The following NEK1 variants were observed in gnomAD, a reference collection of about 807,000 sequenced individuals.
NEK1 encodes the protein serine/threonine-protein kinase Nek1.
NEK1 carries 137 observed loss-of-function variants against 182.1 expected under a neutral mutation model. The observed-to-expected ratio is 0.75, with a 90% CI of 0.65 to 0.87. The LOEUF (loss-of-function observed/expected upper bound fraction) is 0.87. Ranked by LOEUF, NEK1 falls within the 40% of genes least tolerant of loss-of-function variation. NEK1 has a pLI of 0.00. For missense variants in NEK1, 1,391 were observed against 1,494.4 expected, an observed-to-expected ratio of 0.93 and a Z score of 1.14; for synonymous variants, 513 against 492.2, an observed-to-expected ratio of 1.04 and a Z score of -0.56.
At chr4:169,482,556 C>T (rs1009504012) in intron 23 of NEK1, among the ~76,000 whole-genome samples, 4 of 151,720 alleles carry the variant, frequency 2.6e-5, no homozygotes, top group East Asian at 1.9e-4. Flanking sequence ...AAGCAATTCT[C>T]GTGCCTCAGT....
chr4:169,581,944 A>T (rs1001487804), intron 10 of NEK1, among the ~76,000 whole-genome samples: 28 of 152,174 alleles, frequency 1.8e-4, no homozygotes, highest in African/African-American at 6.8e-4. Context: ...CCCATTTAAT[A>T]TTAGTATAAA....
At chr4:169,501,820 C>T (rs1244615919) in intron 23 of NEK1, among the ~76,000 whole-genome samples, 1 of 151,924 alleles carries the variant, frequency 6.6e-6, no homozygotes, top group Admixed American at 6.6e-5. Flanking sequence ...AATTAACAAC[C>T]TAATGCTGCA....
At chr4:169,414,289 T>C (rs557581108) in intron 31 of NEK1, among the ~76,000 whole-genome samples, 5 of 152,122 alleles carry the variant, frequency 3.3e-5, no homozygotes, top group Non-Finnish European at 7.4e-5. Context: ...AACAGAAAGG[T>C]CAGTATAATC....
intron 23 of NEK1, among the ~76,000 whole-genome samples, chr4:169,504,652 G>A (rs1003798615): frequency 1.3e-5 from 2 of 152,098 alleles, no homozygotes; most frequent in African/African-American, 2.4e-5. Flanking sequence ...AGTTTTGCAC[G>A]TTTTCACTTA....
intron 23 of NEK1, among the ~76,000 whole-genome samples, chr4:169,483,349 T>C (rs1326058192): frequency 6.6e-6 from 1 of 152,136 alleles, no homozygotes; most frequent in East Asian, 1.9e-4. Context: ...ATTACAAAAA[T>C]GTGACACAAA....
intron 30 of NEK1, among the ~76,000 whole-genome samples, chr4:169,425,161 T>G (rs1013181653): frequency 6.7e-6 from 1 of 148,856 alleles, no homozygotes; most frequent in African/African-American, 2.6e-5. Flanking sequence ...TAAGTGAGAC[T>G]CTCTCTCCAC....
At chr4:169,479,349 T>C (rs1416668079) in intron 24 of NEK1, 54 bp downstream of exon 24, 61 of 1,532,756 alleles carry the variant, frequency 4.0e-5, no homozygotes, top group Non-Finnish European at 5.0e-5. Flanking sequence ...TAAATTTAAT[T>C]TCCTTTTAAA....
intron 32 of NEK1, among the ~76,000 whole-genome samples, chr4:169,402,837 A>T (rs1731918821): frequency 6.6e-6 from 1 of 152,100 alleles, no homozygotes; most frequent in Non-Finnish European, 1.5e-5. Context: ...TTTTCCTCTT[A>T]TGATTTGCTT....
At chr4:169,470,147 T>A (rs1745685034) in intron 26 of NEK1, among the ~76,000 whole-genome samples, 2 of 152,156 alleles carry the variant, frequency 1.3e-5, no homozygotes, top group Admixed American at 6.5e-5. Context: ...AATATTGATA[T>A]GTGTGAATTT....
intron 23 of NEK1, among the ~76,000 whole-genome samples, chr4:169,479,985 C>T (rs1747689190): frequency 6.6e-6 from 1 of 152,124 alleles, no homozygotes; most frequent in Non-Finnish European, 1.5e-5. Context: ...GAAGGAGAAA[C>T]AGATCCAGGT....
intron 23 of NEK1, among the ~76,000 whole-genome samples, chr4:169,494,344 C>G (rs1056216625): frequency 6.6e-6 from 1 of 152,068 alleles, no homozygotes; most frequent in Non-Finnish European, 1.5e-5. Context: ...TGAGAACATG[C>G]AGTGTTTGGT....
chr4:169,410,957 T>C (rs1276878827), intron 31 of NEK1, among the ~76,000 whole-genome samples: 1 of 152,220 alleles, frequency 6.6e-6, no homozygotes, highest in Non-Finnish European at 1.5e-5. Flanking sequence ...GTGTGTGTCC[T>C]TCCTGTTCTC....
At chr4:169,592,575 A>G (rs944057286) in intron 5 of NEK1, among the ~76,000 whole-genome samples, 4 of 152,140 alleles carry the variant, frequency 2.6e-5, no homozygotes, top group African/African-American at 9.7e-5. Flanking sequence ...GCATAGAAGG[A>G]TAGCTACCAA....
chr4:169,564,874 C>A (rs1763437661), intron 12 of NEK1, among the ~76,000 whole-genome samples: 1 of 152,024 alleles, frequency 6.6e-6, no homozygotes. Context: ...TGATCATAAG[C>A]CAATTTTATT....
chr4:169,576,958 G>T lies in NEK1; in HGVS notation c.990C>A (p.His330Gln), dbSNP rs775175372. Reference sequence around the variant, plus strand: ...TATGTTTTTGCAGTGGTTTCTTTTCGTGTAATTTTTTATCTCCATATTTCT... The same window carrying T: ...TATGTTTTTGCAGTGGTTTCTTTTCTTGTAATTTTTTATCTCCATATTTCT... ...AYKKYGDKKL[H>Q]EKKPLQKHKQ... is the part of the protein sequence containing the mutation. The change falls in exon 12 of 36, where the codon CAC (histidine) becomes CAA (glutamine). Residue 330 changes from histidine to glutamine, a missense_variant. Coordinates refer to ENST00000507142, the MANE Select transcript of NEK1 (RefSeq NM_001199397.3). 1 of 1,610,318 alleles carries T rather than the reference G, an allele frequency of 6.2e-7. No homozygotes were observed. The highest frequency in any genetic ancestry group is 2.2e-5 in the East Asian group (1 of 44,760).
At chr4:169,562,082 T>C (rs1029096874) in intron 13 of NEK1, 55 bp downstream of exon 13, 34 of 1,371,950 alleles carry the variant, frequency 2.5e-5, no homozygotes, top group Admixed American at 9.3e-5. Flanking sequence ...ATTTTGTTTC[T>C]TTTTTAAAAT....
In NEK1 at chr4:169,438,160, G is replaced by A. The variant is rs1048939661; in HGVS notation, c.2687C>T (p.Ser896Phe). The stretch of plus-strand genomic sequence containing the variant: ...CTCGGGACTTTTTGTCTCAACAGGA[G>A]AATCAACAATAGCTGATGGGTTTAT... ...HEINPSAIVD[S>F]PVETKSPEFS... The change falls in exon 28 of 36, where the codon TCT becomes TTT. Residue 896 changes from serine (S) to phenylalanine (F), a missense_variant. Physicochemically the swap from Ser to Phe is radical, Grantham distance 155. This residue lies in a region of NEK1 where 1,216 missense variants were observed against 1,277.6 expected (regional missense o/e 0.95). Coordinates refer to ENST00000507142, the MANE Select transcript of NEK1 (RefSeq NM_001199397.3). 2.1e-5 allele frequency: 33 copies of A among 1,609,376 alleles called. No individual in the cohort carries two copies. The highest frequency in any genetic ancestry group is 5.0e-5 in the Admixed American group (3 of 59,520).
intron 23 of NEK1, among the ~76,000 whole-genome samples, chr4:169,496,118 C>A (rs140140304): frequency 0.19 from 29,481 of 152,092 alleles, 4,302 homozygotes; most frequent in African/African-American, 0.41. Context: ...AGGTCCTTCA[C>A]GTCCCTTGTA....
intron 12 of NEK1, among the ~76,000 whole-genome samples, chr4:169,573,002 A>G (rs1765114097): frequency 6.6e-6 from 1 of 152,242 alleles, no homozygotes; most frequent in South Asian, 2.1e-4. Context: ...CATAAGGGAA[A>G]GTTCCTTTTT....
Sources: allele counts gnomAD v4.1 joint callset (sites outside exome capture counted in the v4.1 genomes callset), GRCh38; gene constraint gnomAD v4.1.1; regional missense constraint gnomAD v4.1.1; transcripts MANE v1.5; gene names NCBI Gene and HGNC (gene_info 2026-07-23, HGNC 2026-07-21).